Variants in KCNU1 observed in about 807,000 individuals in gnomAD.
KCNU1 encodes the protein potassium channel subfamily U member 1.
In KCNU1, 93 loss-of-function variants were observed where a neutral mutation model predicts 126.8. That is an observed-to-expected ratio of 0.73 (90% CI 0.62 to 0.87). The LOEUF (loss-of-function observed/expected upper bound fraction) is 0.87, where lower values mean the gene tolerates loss of function less well. KCNU1 is among the 40% of genes least tolerant of loss of function. The probability of loss-of-function intolerance (pLI) is 0.00; values close to 1 mark genes in which losing one functional copy is unlikely to be tolerated. For missense variants in KCNU1, 1,330 were observed against 1,367.1 expected, an observed-to-expected ratio of 0.97 and a Z score of 0.43; for synonymous variants, 523 against 494.2, an observed-to-expected ratio of 1.06 and a Z score of -0.77.
chr8:36,864,567 T>A lies in KCNU1; in HGVS notation c.2009+46T>A, dbSNP rs771256629. 6.9e-6 allele frequency: 7 copies of A among 1,017,854 alleles called. No homozygotes were observed. In the Admixed American group the frequency reaches 1.2e-4, roughly 17 times the overall value. 63.1% of individuals were successfully genotyped at this position (1,017,854 alleles called of 1,614,324 possible). ...TGGTCTCCTATAGTTTTTTTGAGAATCAGTGGGCCATATATATTGTATTTA... is the reference window on the plus strand; with the variant it reads ...TGGTCTCCTATAGTTTTTTTGAGAAACAGTGGGCCATATATATTGTATTTA... On this transcript the variant is annotated intron_variant, in intron 19 of 26. Coordinates refer to ENST00000399881, the MANE Select transcript of KCNU1 (RefSeq NM_001031836.3).
chr8:36,795,998 G>C (rs943046510), intron 2 of KCNU1: 3 of 152,186 alleles, frequency 2.0e-5, no homozygotes, highest in African/African-American at 7.2e-5. Flanking sequence ...AGCTTCTTGA[G>C]TTGAAATTAA....
chr8:36,930,295 A>T (rs887729859), intron 24 of KCNU1, among the ~76,000 whole-genome samples: 3 of 152,124 alleles, frequency 2.0e-5, no homozygotes, highest in Admixed American at 1.3e-4. Flanking sequence ...ATTCAGACTC[A>T]AGCTCATTTC....
chr8:36,868,657 C>G (rs1489503926), intron 19 of KCNU1, among the ~76,000 whole-genome samples: 1 of 152,070 alleles, frequency 6.6e-6, no homozygotes, highest in Non-Finnish European at 1.5e-5. Context: ...ATGTCTTTCT[C>G]TTCCCATAGA....
intron 19 of KCNU1, among the ~76,000 whole-genome samples, chr8:36,885,858 A>G (rs1806681283): frequency 6.6e-6 from 1 of 152,162 alleles, no homozygotes; most frequent in Non-Finnish European, 1.5e-5. Flanking sequence ...CCTGCTCTCC[A>G]GGGAAAAAAT....
chr8:36,897,212 A>T (rs1294120330), intron 19 of KCNU1, among the ~76,000 whole-genome samples: 1 of 152,020 alleles, frequency 6.6e-6, no homozygotes, highest in Admixed American at 6.6e-5. Flanking sequence ...TTCAAATTGT[A>T]GAACAATTTC....
At chr8:36,911,261 C>A in intron 22 of KCNU1, 142 bp downstream of exon 22, 1 of 590,626 alleles carries the variant, frequency 1.7e-6, no homozygotes, top group Non-Finnish European at 2.8e-6. Flanking sequence ...CCTGAGAATC[C>A]CATAGTAGAA....
At chr8:36,881,841 CACAT>C (rs1806494034) in intron 19 of KCNU1, among the ~76,000 whole-genome samples, 1 of 131,140 alleles carries the variant, frequency 7.6e-6, no homozygotes, top group South Asian at 2.4e-4. Flanking sequence ...CACACACACA[CACAT>C]TCAAGTTTAC....
At chr8:36,844,919 G>T (rs1264131728) in intron 16 of KCNU1, among the ~76,000 whole-genome samples, 3 of 152,150 alleles carry the variant, frequency 2.0e-5, no homozygotes, top group South Asian at 4.1e-4. Context: ...AGCCATAGCA[G>T]AGTACTGCAT....
intron 18 of KCNU1, among the ~76,000 whole-genome samples, chr8:36,851,353 T>C (rs1353019157): frequency 6.6e-6 from 1 of 150,740 alleles, no homozygotes; most frequent in African/African-American, 2.4e-5. Context: ...GTTCTGATGG[T>C]TTAAAGTGTG....
chr8:36,834,115 A>G (rs377645729), intron 11 of KCNU1, among the ~76,000 whole-genome samples: 2 of 152,332 alleles, frequency 1.3e-5, no homozygotes, highest in South Asian at 2.1e-4. Context: ...ATCTCATTAA[A>G]GTTGTGACGC....
Position 36,864,345 on chromosome 8 carries a change from T to G in KCNU1, c.1892-59T>G, listed in dbSNP as rs1008211484. 12 of 1,081,350 alleles carry G rather than the reference T, an allele frequency of 1.1e-5. No homozygotes were observed. In the African/African-American group the frequency reaches 1.2e-4, roughly 11 times the overall value. The allele number at this position is 1,081,350 out of a possible 1,614,324, so 67.0% of individuals were successfully genotyped here. The stretch of plus-strand genomic sequence containing the variant: ...ATAAATGGCTCAGCCAAGGGGAATA[T>G]TCCAACAATCCCTTGTGAAGAGATG... On this transcript the variant is annotated intron_variant, in intron 18 of 26. Transcript: ENST00000399881.
rs141570847 is a variant in KCNU1, at chr8:36,804,245, T to C, written c.377+157T>C. On this transcript the variant is annotated intron_variant, in intron 3 of 26. Transcript: ENST00000399881. Reference sequence around the variant, plus strand: ...AAGTGATATGTTTGGCTTCTCCCAGTAAGCACTAAGCCCAGCTCTGCAAAA... The same window carrying C: ...AAGTGATATGTTTGGCTTCTCCCAGCAAGCACTAAGCCCAGCTCTGCAAAA... 1.9e-3 allele frequency among the ~76,000 whole-genome samples: 292 copies of C among 152,282 alleles called. 2 individuals carry two copies. The highest frequency in any genetic ancestry group is 6.6e-3 in the African/African-American group (276 of 41,568).
intron 22 of KCNU1, among the ~76,000 whole-genome samples, chr8:36,911,703 A>T (rs917829940): frequency 8.5e-5 from 13 of 152,202 alleles, no homozygotes; most frequent in Non-Finnish European, 1.5e-4. Context: ...TCTTTCCAGG[A>T]TGGGGATCAT....
intron 2 of KCNU1, among the ~76,000 whole-genome samples, chr8:36,796,749 C>A (rs1250124598): frequency 6.6e-6 from 1 of 152,110 alleles, no homozygotes; most frequent in Non-Finnish European, 1.5e-5. Context: ...CTCTTTCAAT[C>A]TTTCTTTCTT....
intron 7 of KCNU1, among the ~76,000 whole-genome samples, chr8:36,810,689 A>G (rs1803679196): frequency 1.3e-5 from 2 of 152,306 alleles, no homozygotes; most frequent in South Asian, 4.1e-4. Context: ...ACGAGTATTA[A>G]CTAGAAAGGA....
At chr8:36,885,363 C>T (rs1213569484) in intron 19 of KCNU1, among the ~76,000 whole-genome samples, 2 of 151,720 alleles carry the variant, frequency 1.3e-5, no homozygotes, top group Admixed American at 6.6e-5. Context: ...AAGACCAGCC[C>T]GACCAACATG....
intron 19 of KCNU1, among the ~76,000 whole-genome samples, chr8:36,892,175 C>T (rs1425938097): frequency 6.6e-6 from 1 of 151,952 alleles, no homozygotes; most frequent in African/African-American, 2.4e-5. Context: ...ATTTTTCTGA[C>T]TGCATTATCT....
At chr8:36,899,090 T>C (rs1323033788) in intron 19 of KCNU1, among the ~76,000 whole-genome samples, 1 of 152,132 alleles carries the variant, frequency 6.6e-6, no homozygotes, top group Non-Finnish European at 1.5e-5. Context: ...TACTCAGAGA[T>C]GCCTATACAA....
intron 18 of KCNU1, among the ~76,000 whole-genome samples, chr8:36,860,039 G>T (rs1176242506): frequency 6.6e-6 from 1 of 151,874 alleles, no homozygotes. Context: ...ATAATTGAAA[G>T]AGAATTCCTA....
Sources: gnomAD v4.1 joint callset for allele counts (sites outside exome capture counted in the v4.1 genomes callset) on GRCh38, gnomAD v4.1.1 for gene constraint, MANE v1.5 for transcripts, NCBI Gene and HGNC (gene_info 2026-07-23, HGNC 2026-07-21) for gene names.